AKAP6: variants seen among roughly 807,000 people sequenced by gnomAD.
AKAP6 encodes the protein A-kinase anchor protein 6.
In AKAP6, 58 loss-of-function variants were observed where a neutral mutation model predicts 188.5. The ratio of observed to expected loss-of-function variants is 0.31; its 90% CI spans 0.25 to 0.38. AKAP6 has a LOEUF of 0.38. Among genes scored for constraint, AKAP6 ranks in the 10% least tolerant of loss-of-function variants. The pLI is 1.00. For missense variants in AKAP6, 2,710 were observed against 2,740.0 expected (o/e 0.99, Z 0.24); for synonymous variants, 989 against 998.6 (o/e 0.99, Z 0.18).
chr14:32,410,212 C>A (rs960107004), intron 1 of AKAP6, among the ~76,000 whole-genome samples: 2 of 151,930 alleles, frequency 1.3e-5, no homozygotes, highest in African/African-American at 4.8e-5. Flanking sequence ...CTTTTAAGTC[C>A]AATAAGAAAT....
At chr14:32,504,730 C>T (rs143461592) in intron 2 of AKAP6, among the ~76,000 whole-genome samples, 2 of 152,308 alleles carry the variant, frequency 1.3e-5, no homozygotes, top group African/African-American at 4.8e-5. Context: ...AGTTACTCCT[C>T]TGGTCCCATT....
chr14:32,737,530 C>T (rs977977380), intron 11 of AKAP6, among the ~76,000 whole-genome samples: 1 of 152,172 alleles, frequency 6.6e-6, no homozygotes, highest in African/African-American at 2.4e-5. Context: ...AACAGGTACA[C>T]TCTGCCTTTC....
chr14:32,388,656 GT>G (rs1888610311), intron 1 of AKAP6, among the ~76,000 whole-genome samples: 1 of 152,052 alleles, frequency 6.6e-6, no homozygotes. Context: ...TATTTGCATG[GT>G]TTTGAAGGTT....
intron 7 of AKAP6, among the ~76,000 whole-genome samples, chr14:32,606,442 C>G (rs559686995): frequency 7.9e-5 from 12 of 152,104 alleles, no homozygotes; most frequent in African/African-American, 2.9e-4. Flanking sequence ...TTTTCACTTA[C>G]GAAGCATGCA....
intron 7 of AKAP6, among the ~76,000 whole-genome samples, chr14:32,671,110 A>G (rs1321928242): frequency 6.6e-6 from 1 of 152,182 alleles, no homozygotes; most frequent in Non-Finnish European, 1.5e-5. Context: ...GAAAGAGGAT[A>G]GGGATTTCTA....
chr14:32,648,799 T>C (rs1042388932), intron 7 of AKAP6, among the ~76,000 whole-genome samples: 2 of 152,104 alleles, frequency 1.3e-5, no homozygotes, highest in African/African-American at 2.4e-5. Context: ...TATTCAAATG[T>C]AGGAAATCCA....
At chr14:32,688,151 T>TAC (rs1275044695) in intron 8 of AKAP6, among the ~76,000 whole-genome samples, 3 of 151,016 alleles carry the variant, frequency 2.0e-5, no homozygotes, top group Admixed American at 1.3e-4. Flanking sequence ...TGTATATATA[T>TAC]ACACACACAC....
intron 11 of AKAP6, among the ~76,000 whole-genome samples, chr14:32,764,072 A>C (rs1445380129): frequency 6.6e-6 from 1 of 152,208 alleles, no homozygotes; most frequent in Non-Finnish European, 1.5e-5. Context: ...GTTGATAATC[A>C]CTTGCCTAAA....
At chr14:32,789,894 C>A (rs1257399341) in intron 12 of AKAP6, among the ~76,000 whole-genome samples, 1 of 152,166 alleles carries the variant, frequency 6.6e-6, no homozygotes, top group African/African-American at 2.4e-5. Context: ...CAGAAGTAGG[C>A]TTCAGGAGGT....
intron 9 of AKAP6, among the ~76,000 whole-genome samples, chr14:32,731,952 A>G (rs2031194929): frequency 6.6e-6 from 1 of 152,040 alleles, no homozygotes; most frequent in African/African-American, 2.4e-5. Context: ...TTCTCTATAT[A>G]TGTACCTTTT....
intron 2 of AKAP6, among the ~76,000 whole-genome samples, chr14:32,475,249 CAG>C (rs1879000314): frequency 6.6e-6 from 1 of 152,170 alleles, no homozygotes; most frequent in African/African-American, 2.4e-5. Context: ...AACTGAGGCA[CAG>C]AGGTTAAGCT....
intron 7 of AKAP6, among the ~76,000 whole-genome samples, chr14:32,640,724 T>C (rs1463556859): frequency 1.3e-5 from 2 of 152,192 alleles, no homozygotes; most frequent in African/African-American, 4.8e-5. Flanking sequence ...TCTGATATCC[T>C]TTTATACTCC....
rs1408020989 is a variant in AKAP6, at chr14:32,454,660, CT to C, written c.324+20845del. Among the ~76,000 whole-genome samples, 82 of 46,384 alleles carry C rather than the reference CT, an allele frequency of 1.8e-3. 2 individuals are homozygous for C. In the African/African-American group the frequency reaches 0.024, roughly 14 times the overall value. 30.4% of individuals were successfully genotyped at this position (46,384 alleles called of 152,430 possible). On this transcript the variant is annotated intron_variant, in intron 2 of 13. Coordinates refer to ENST00000280979, the MANE Select transcript of AKAP6 (RefSeq NM_004274.5). ...CCCTCCCTCCCTCCTTCCCTCTCTC[CT>C]TCCCTCCTTCCCTCCTTCCCTCCTT...
chr14:32,699,459 T>C (rs545239060), intron 9 of AKAP6, among the ~76,000 whole-genome samples: 1 of 152,230 alleles, frequency 6.6e-6, no homozygotes, highest in Non-Finnish European at 1.5e-5. Flanking sequence ...GTGGACTTTC[T>C]ATTTGAACTA....
chr14:32,434,876 C>T (rs911088350), intron 2 of AKAP6, among the ~76,000 whole-genome samples: 20 of 152,008 alleles, frequency 1.3e-4, no homozygotes, highest in Middle Eastern at 3.2e-3. Context: ...TGAGTGTGGT[C>T]GGGGGAGAGA....
chr14:32,535,514 G>T, intron 2 of AKAP6, 40 bp from the exon 3 acceptor site: 4 of 1,587,908 alleles, frequency 2.5e-6, no homozygotes, highest in Non-Finnish European at 3.4e-6. Context: ...CCAGGATAAG[G>T]CAAAGTAGTC....
chr14:32,823,093 C>G lies in AKAP6; in HGVS notation c.5280C>G (p.Thr1760=). The G allele has an allele frequency of 6.2e-7, 1 of 1,613,774 alleles. No individual in the cohort carries two copies. The highest frequency in any genetic ancestry group is 8.5e-7 in the Non-Finnish European group (1 of 1,179,884). ...ACAGCGACCTGCTCTCCAGCTCTAC[C>G]CTTACCTTGACTGAAGAAGAGCTGT... ...EDDSDLLSSS[T]LTLTEEELCI... The change falls in exon 13 of 14, where the codon ACC becomes ACG. Residue 1760 remains threonine (T), a synonymous_variant. Transcript: ENST00000280979.
intron 2 of AKAP6, among the ~76,000 whole-genome samples, chr14:32,509,755 C>G (rs1463166805): frequency 6.6e-6 from 1 of 152,230 alleles, no homozygotes; most frequent in South Asian, 2.1e-4. Flanking sequence ...TTTGGTGAAG[C>G]CAGCGTGGTC....
At chr14:32,589,984 T>C (rs752238760) in intron 5 of AKAP6, among the ~76,000 whole-genome samples, 1 of 152,216 alleles carries the variant, frequency 6.6e-6, no homozygotes, top group Non-Finnish European at 1.5e-5. Flanking sequence ...TATTGCATTA[T>C]GTGGAATTTT....
Sources: allele counts gnomAD v4.1 joint callset (sites outside exome capture counted in the v4.1 genomes callset), GRCh38; gene constraint gnomAD v4.1.1; transcripts MANE v1.5; gene names NCBI Gene and HGNC (gene_info 2026-07-23, HGNC 2026-07-21).